The following PIGU variants were observed in gnomAD, a reference collection of about 807,000 sequenced individuals.
PIGU encodes GPI-anchor transamidase component PIGU.
PIGU carries 24 observed loss-of-function variants against 49.9 expected under a neutral mutation model. The observed-to-expected ratio is 0.48, with a 90% CI of 0.35 to 0.68. The LOEUF (loss-of-function observed/expected upper bound fraction) is 0.68. Among genes scored for constraint, PIGU ranks in the 30% least tolerant of loss-of-function variants. The pLI is 0.01. For missense variants in PIGU, 490 were observed against 532.6 expected (o/e 0.92, Z 0.79); for synonymous variants, 220 against 205.7 (o/e 1.07, Z -0.59).
At position 34,677,078 on chromosome 20, in the gene PIGU, G is replaced by A; in HGVS notation, c.8C>T (p.Ala3Val). 6.4e-7 allele frequency: 1 copy of A among 1,562,754 alleles called. No homozygotes were observed. Among genetic ancestry groups the A allele is most frequent in the Non-Finnish European group, 8.7e-7 (1 of 1,153,884 alleles). ...CACCACCAGCACCAGGACCAAGGGA[G>A]CCGCCATGATAACTGGGGCGGGCGC... MA[A>V]PLVLVLVVAV... Residue 3 changes from alanine (A) to valine (V), a missense_variant, in exon 1 of 12, where the codon GCT becomes GTT. By Grantham distance (64) the Ala-to-Val change is moderately conservative. Transcript: ENST00000217446.
chr20:34,589,069 T>G (rs1172130995), intron 7 of PIGU, among the ~76,000 whole-genome samples: 1 of 151,750 alleles, frequency 6.6e-6, no homozygotes, highest in Non-Finnish European at 1.5e-5. Flanking sequence ...AAAATACTTA[T>G]GTGTTCTGAG....
chr20:34,627,355 TATGAA>T (rs1171967943), intron 6 of PIGU, among the ~76,000 whole-genome samples: 2 of 152,088 alleles, frequency 1.3e-5, no homozygotes, highest in Non-Finnish European at 2.9e-5. Flanking sequence ...ACATGATTCA[TATGAA>T]ATAAGTGATA....
At chr20:34,575,714 C>A (rs1983203281) in intron 10 of PIGU, among the ~76,000 whole-genome samples, 2 of 152,282 alleles carry the variant, frequency 1.3e-5, no homozygotes, top group South Asian at 4.1e-4. Flanking sequence ...AGTCCTGGGT[C>A]TTAGGAACAC....
intron 1 of PIGU, among the ~76,000 whole-genome samples, chr20:34,676,324 G>T (rs187068225): frequency 2.0e-4 from 30 of 152,274 alleles, no homozygotes; most frequent in Non-Finnish European, 3.5e-4. Context: ...TACTTTTCAT[G>T]AATTATTATA....
chr20:34,654,916 A>G (rs1986659486), intron 2 of PIGU, among the ~76,000 whole-genome samples: 1 of 114,824 alleles, frequency 8.7e-6, no homozygotes, highest in Non-Finnish European at 1.8e-5. Context: ...GAGGCAGAGG[A>G]GTCGCTTGAA....
intron 2 of PIGU, among the ~76,000 whole-genome samples, chr20:34,654,384 A>C (rs1187020114): frequency 1.8e-5 from 2 of 109,896 alleles, no homozygotes; most frequent in African/African-American, 6.7e-5. Flanking sequence ...AATCACTTGA[A>C]TCCAGGGTGG....
At chr20:34,667,124 G>A (rs1376797537) in intron 1 of PIGU, among the ~76,000 whole-genome samples, 1 of 152,168 alleles carries the variant, frequency 6.6e-6, no homozygotes. Context: ...TTACAGGCAT[G>A]AGCCACTATG....
intron 5 of PIGU, among the ~76,000 whole-genome samples, 153 bp from the exon 6 acceptor site, chr20:34,634,868 G>C (rs1985909929): frequency 6.6e-6 from 1 of 152,168 alleles, no homozygotes; most frequent in Non-Finnish European, 1.5e-5. Context: ...GAATAGAGTG[G>C]GGGTTGAGGC....
chr20:34,624,149 TCACTA>T (rs10557718), intron 6 of PIGU, among the ~76,000 whole-genome samples: 56,078 of 151,634 alleles, frequency 0.37, 10,697 homozygotes, highest in Admixed American at 0.54. Flanking sequence ...CGGTCATAGT[TCACTA>T]CACTCAAACT....
intron 7 of PIGU, among the ~76,000 whole-genome samples, chr20:34,597,331 A>T (rs567665328): frequency 6.6e-6 from 1 of 152,250 alleles, no homozygotes; most frequent in Non-Finnish European, 1.5e-5. Flanking sequence ...AACATGGATA[A>T]ATCTCAAAAA....
intron 1 of PIGU, among the ~76,000 whole-genome samples, chr20:34,659,892 G>A (rs1209849799): frequency 6.6e-6 from 1 of 151,724 alleles, no homozygotes; most frequent in Non-Finnish European, 1.5e-5. Flanking sequence ...CTAATCTCAA[G>A]TACCCAGGGA....
At chr20:34,573,346 C>G (rs764598) in intron 11 of PIGU, among the ~76,000 whole-genome samples, 7,461 of 152,282 alleles carry the variant, frequency 0.049, 298 homozygotes, top group East Asian at 0.18. Flanking sequence ...TCCCTAACCC[C>G]AATCCCTCTT....
At chr20:34,576,050 T>C (rs1385469656) in intron 10 of PIGU, among the ~76,000 whole-genome samples, 3 of 152,104 alleles carry the variant, frequency 2.0e-5, no homozygotes, top group Non-Finnish European at 4.4e-5. Flanking sequence ...ATCTGTAAAC[T>C]GAGGCTACAC....
intron 1 of PIGU, among the ~76,000 whole-genome samples, chr20:34,659,044 G>C (rs1205560740): frequency 6.9e-6 from 1 of 145,764 alleles, no homozygotes; most frequent in Middle Eastern, 3.5e-3. Context: ...GAGCCCCTCT[G>C]CCCGGCCAGC....
chr20:34,571,509 T>C (rs550936005), intron 11 of PIGU, among the ~76,000 whole-genome samples: 2 of 152,288 alleles, frequency 1.3e-5, no homozygotes, highest in East Asian at 3.9e-4. Flanking sequence ...ACTCATCTGG[T>C]TCCTAAGAGA....
intron 7 of PIGU, among the ~76,000 whole-genome samples, chr20:34,613,075 C>G (rs866148114): frequency 2.0e-5 from 3 of 152,126 alleles, no homozygotes; most frequent in African/African-American, 7.2e-5. Context: ...TCCTGTCCCC[C>G]ACATACAGAC....
At chr20:34,605,772 A>G (rs1371462170) in intron 7 of PIGU, among the ~76,000 whole-genome samples, 1 of 152,138 alleles carries the variant, frequency 6.6e-6, no homozygotes, top group Non-Finnish European at 1.5e-5. Flanking sequence ...ACAATAATTA[A>G]CCATATATGT....
intron 11 of PIGU, among the ~76,000 whole-genome samples, chr20:34,565,553 C>T (rs191173289): frequency 7.2e-5 from 11 of 152,040 alleles, no homozygotes; most frequent in Admixed American, 2.6e-4. Flanking sequence ...CCACCGCGCC[C>T]GGCCGGGCTC....
chr20:34,584,084 A>G (rs1983597081), intron 9 of PIGU, among the ~76,000 whole-genome samples: 1 of 152,178 alleles, frequency 6.6e-6, no homozygotes, highest in Non-Finnish European at 1.5e-5. Context: ...GGGGATAAGC[A>G]TAGATTCTGG....
Sources: allele counts gnomAD v4.1 joint callset (sites outside exome capture counted in the v4.1 genomes callset), GRCh38; gene constraint gnomAD v4.1.1; transcripts MANE v1.5; gene names NCBI Gene and HGNC (gene_info 2026-07-23, HGNC 2026-07-21).